Variants in TLN2 observed in about 807,000 individuals in gnomAD.
TLN2 encodes the protein talin-2.
A neutral mutation model predicts 294.7 loss-of-function variants in TLN2; 118 were observed. The ratio of observed to expected loss-of-function variants is 0.40; its 90% CI spans 0.34 to 0.47. The LOEUF is 0.47. TLN2 is among the 20% of genes least tolerant of loss of function. The pLI, the probability that TLN2 is intolerant of heterozygous loss-of-function variation, is 0.84. For missense variants in TLN2, 3,083 were observed against 3,282.2 expected (o/e 0.94, Z 1.48); for synonymous variants, 1,431 against 1,304.5 (o/e 1.10, Z -2.09).
rs1441688235 is a variant in TLN2, at chr15:62,655,579, A to C, written c.518-365A>C. On this transcript the variant is annotated intron_variant, in intron 7 of 58. Transcript: ENST00000636159. ...CGGAGAGGCAGCATATTATACATTCATTGTAGCACATGTCACCGTGGGTTG... is the reference window on the plus strand; with the variant it reads ...CGGAGAGGCAGCATATTATACATTCCTTGTAGCACATGTCACCGTGGGTTG... Among the ~76,000 whole-genome samples the C allele has an allele frequency of 9.3e-4, 11 of 11,810 alleles. No individual in the cohort carries two copies. In the Non-Finnish European group the frequency reaches 0.028, roughly 30 times the overall value. The allele number at this position is 11,810 out of a possible 152,430, so 7.7% of individuals were successfully genotyped here. A position where few individuals can be genotyped will look rare whatever the true frequency, so the allele number is the denominator to read the frequency against.
At chr15:62,501,349 C>T (rs142217893) in intron 1 of TLN2, among the ~76,000 whole-genome samples, 1 of 152,286 alleles carries the variant, frequency 6.6e-6, no homozygotes, top group Non-Finnish European at 1.5e-5. Context: ...AAGCCTCCAG[C>T]TGAGGCCAAG....
intron 58 of TLN2, among the ~76,000 whole-genome samples, chr15:62,839,330 G>A (rs2070301622): frequency 1.3e-5 from 2 of 152,214 alleles, no homozygotes; most frequent in South Asian, 4.1e-4. Context: ...AGCTGCATGG[G>A]AGGCTGGACA....
chr15:62,622,032 C>T (rs4775521), intron 3 of TLN2, among the ~76,000 whole-genome samples: 98,047 of 151,488 alleles, frequency 0.65, 32,402 homozygotes, highest in African/African-American at 0.77. Context: ...CATCCTTCCC[C>T]GGCAGTGCCA....
At chr15:62,505,367 CT>C (rs1327774766) in intron 1 of TLN2, among the ~76,000 whole-genome samples, 1 of 152,196 alleles carries the variant, frequency 6.6e-6, no homozygotes, top group Non-Finnish European at 1.5e-5. Flanking sequence ...ACACACTGTG[CT>C]GATGAAGAGT....
chr15:62,492,132 A>G (rs2038765875), intron 1 of TLN2, among the ~76,000 whole-genome samples: 1 of 152,066 alleles, frequency 6.6e-6, no homozygotes, highest in Admixed American at 6.5e-5. Flanking sequence ...ATTATAGATA[A>G]ATTAGAAGAT....
At position 62,702,219 on chromosome 15, in the gene TLN2, C is replaced by T. The variant is rs781020872; in HGVS notation, c.1905+19C>T. On this transcript the variant is annotated intron_variant, in intron 18 of 58. Transcript: ENST00000636159. Reference sequence around the variant, plus strand: ...TGGAGAGGTAAGCTCCAGAGGCAAGCAATCACTCAGGTTCTGATGGGACAG... The same window carrying T: ...TGGAGAGGTAAGCTCCAGAGGCAAGTAATCACTCAGGTTCTGATGGGACAG... 1.9e-6 allele frequency: 3 copies of T among 1,562,730 alleles called. No homozygotes were observed. In the South Asian group the frequency reaches 3.5e-5, roughly 18 times the overall value.
intron 1 of TLN2, among the ~76,000 whole-genome samples, chr15:62,557,964 C>T (rs556007902): frequency 6.6e-6 from 1 of 152,224 alleles, no homozygotes; most frequent in South Asian, 2.1e-4. Context: ...GCAGAGACGC[C>T]TCAGTGGACT....
chr15:62,769,839 C>T (rs1342018154), intron 41 of TLN2, among the ~76,000 whole-genome samples: 6 of 152,128 alleles, frequency 3.9e-5, no homozygotes, highest in Non-Finnish European at 5.9e-5. Flanking sequence ...TAGTCATTAC[C>T]GCACAGAATG....
rs78531539 is a variant in TLN2 at position 62,461,224 on chromosome 15, G to A, written c.-238+70539G>A. ...CTCCCAAAATGCTGGAATTACAGGC[G>A]TGAGCCACCGCGTCTGGCCAGTTTT... is the stretch of plus-strand genomic sequence containing the variant. On this transcript the variant is annotated intron_variant, in intron 1 of 58. Transcript: ENST00000636159. 7.2e-3 allele frequency among the ~76,000 whole-genome samples: 1,103 copies of A among 152,272 alleles called. 7 individuals are homozygous for A. Among genetic ancestry groups the A allele is most frequent in the South Asian group, 0.018 (87 of 4,824 alleles).
rs117205619 is a variant in TLN2 at position 62,679,338 on chromosome 15, A to T, written c.957+4017A>T. 4.9e-4 allele frequency among the ~76,000 whole-genome samples: 75 copies of T among 152,392 alleles called. 1 individual carries two copies. The East Asian group carries it at 6.9e-3, about 14-fold the overall frequency. On this transcript the variant is annotated intron_variant, in intron 11 of 58. Coordinates refer to ENST00000636159, the MANE Select transcript of TLN2 (RefSeq NM_015059.3). ...AAACTCACACATATGTGTTCACAGCAGTGTTAGCCAAAAGTAAGAAACAAC... is the reference window on the plus strand; with the variant it reads ...AAACTCACACATATGTGTTCACAGCTGTGTTAGCCAAAAGTAAGAAACAAC...
chr15:62,704,155 A>G (rs569650476), intron 19 of TLN2, among the ~76,000 whole-genome samples: 1 of 152,182 alleles, frequency 6.6e-6, no homozygotes, highest in East Asian at 1.9e-4. Context: ...ATTTATTTAT[A>G]TATATAATGA....
At chr15:62,517,698 T>G (rs1324382043) in intron 1 of TLN2, among the ~76,000 whole-genome samples, 2 of 152,240 alleles carry the variant, frequency 1.3e-5, no homozygotes, top group Admixed American at 1.3e-4. Flanking sequence ...GAATTGGTGC[T>G]TTGTGGCTTA....
chr15:62,812,520 C>A (rs1001416210), intron 52 of TLN2, among the ~76,000 whole-genome samples: 1 of 152,142 alleles, frequency 6.6e-6, no homozygotes, highest in African/African-American at 2.4e-5. Context: ...AGCAAAAATG[C>A]AGCTTATTTA....
chr15:62,743,115 G>A (rs575320963), intron 32 of TLN2, among the ~76,000 whole-genome samples: 2 of 152,206 alleles, frequency 1.3e-5, no homozygotes, highest in East Asian at 1.9e-4. Flanking sequence ...CACATGCTCC[G>A]CTCATTTCAT....
At chr15:62,804,903 A>AG (rs1487236434) in intron 50 of TLN2, among the ~76,000 whole-genome samples, 1 of 150,908 alleles carries the variant, frequency 6.6e-6, no homozygotes, top group Non-Finnish European at 1.5e-5. Flanking sequence ...GCACATACCC[A>AG]GGGTACCAAT....
chr15:62,689,866 T>A (rs2057636122), intron 12 of TLN2, among the ~76,000 whole-genome samples: 1 of 83,928 alleles, frequency 1.2e-5, no homozygotes, highest in African/African-American at 3.4e-5. Context: ...TTTTTTTTTT[T>A]TTTTTTTTTT....
chr15:62,681,042 C>T (rs913617160), intron 11 of TLN2, among the ~76,000 whole-genome samples: 1 of 152,126 alleles, frequency 6.6e-6, no homozygotes. Context: ...TATAAAGGTA[C>T]GTGTGCAAGT....
intron 1 of TLN2, among the ~76,000 whole-genome samples, chr15:62,587,815 T>C (rs766757485): frequency 6.6e-6 from 1 of 152,222 alleles, no homozygotes; most frequent in South Asian, 2.1e-4. Context: ...ATAACATTGG[T>C]TATTTATTGT....
chr15:62,734,532 A>G (rs529504593), intron 28 of TLN2, among the ~76,000 whole-genome samples: 1 of 152,276 alleles, frequency 6.6e-6, no homozygotes, highest in East Asian at 1.9e-4. Context: ...CCCTGTGCCA[A>G]AAGCTTAAGC....
Sources: allele counts gnomAD v4.1 joint callset (sites outside exome capture counted in the v4.1 genomes callset), GRCh38; gene constraint gnomAD v4.1.1; transcripts MANE v1.5; gene names NCBI Gene and HGNC (gene_info 2026-07-23, HGNC 2026-07-21).